ADAMTS13: variants seen among roughly 807,000 people sequenced by gnomAD.
ADAMTS13 encodes the protein A disintegrin and metalloproteinase with thrombospondin motifs 13.
A neutral mutation model predicts 155.1 loss-of-function variants in ADAMTS13; 110 were observed. The ratio of observed to expected loss-of-function variants is 0.71; its 90% CI spans 0.61 to 0.83. The LOEUF is 0.83. Among genes scored for constraint, ADAMTS13 ranks in the 40% least tolerant of loss-of-function variants. The probability of loss-of-function intolerance (pLI) is 0.00; values close to 1 mark genes in which losing one functional copy is unlikely to be tolerated. For synonymous variants in ADAMTS13, 758 were observed against 756.4 expected, an observed-to-expected ratio of 1.00 and a Z score of -0.03; for missense variants, 1,707 against 1,891.7, an observed-to-expected ratio of 0.90 and a Z score of 1.81.
chr9:133,427,706 C>T (rs973193140), intron 6 of ADAMTS13, among the ~76,000 whole-genome samples: 4 of 152,172 alleles, frequency 2.6e-5, no homozygotes. Flanking sequence ...GTGTACAGCC[C>T]TGTGACTGTA....
chr9:133,441,770 G>A lies in ADAMTS13; in HGVS notation c.1969-629G>A, dbSNP rs916524942. Among the ~76,000 whole-genome samples, 4 of 152,094 alleles carry A rather than the reference G, an allele frequency of 2.6e-5. No individual in the cohort carries two copies. Among genetic ancestry groups the A allele is most frequent in the African/African-American group, 7.2e-5 (3 of 41,410 alleles). On this transcript the variant is annotated intron_variant, in intron 16 of 28. Transcript: ENST00000355699. The surrounding 1 kb of genome is among the most constrained non-coding windows in gnomAD (Gnocchi z 5.0). ...TTTCTTCCTGCCGACCCTACCACAGGTCCCCAGGGATCCAGTTTCTTCCTG... is the reference window on the plus strand; with the variant it reads ...TTTCTTCCTGCCGACCCTACCACAGATCCCCAGGGATCCAGTTTCTTCCTG...
chr9:133,419,144 G>A (rs908214370), upstream of ADAMTS13, among the ~76,000 whole-genome samples: 1 of 152,158 alleles, frequency 6.6e-6, no homozygotes, highest in Non-Finnish European at 1.5e-5. Flanking sequence ...CCGGCCGGGA[G>A]TGGGTAGATT....
rs1841384412 is a variant in ADAMTS13, at chr9:133,438,030, A to T, written c.1584+133A>T. ...CTGCAGGGGAGTGGTGCTGGGGAAA[A>T]GGATCTGGACTTGGAGTCAGCCTGG... On this transcript the variant is annotated intron_variant, in intron 13 of 28. Transcript: ENST00000355699. 1.4e-5 allele frequency: 22 copies of T among 1,542,492 alleles called. No homozygotes were observed. In the South Asian group the frequency reaches 2.0e-4, roughly 14 times the overall value.
intron 21 of ADAMTS13, among the ~76,000 whole-genome samples, chr9:133,446,889 A>G (rs1554792816): frequency 6.6e-6 from 1 of 152,022 alleles, no homozygotes; most frequent in Non-Finnish European, 1.5e-5. Context: ...ACAGAGTCTC[A>G]TTCTGTTGCC....
At chr9:133,417,992 C>A (rs1464565159), upstream of ADAMTS13, 4 of 706,210 alleles carry the variant, frequency 5.7e-6, no homozygotes, top group African/African-American at 3.6e-5. Context: ...CCGGAAGAGA[C>A]CCCGCACGCG....
rs587753992 is a variant in ADAMTS13 at position 133,431,569 on chromosome 9, C to T, written c.988-1019C>T. ...TCTCGAATTCTGACCTCAGGTGATC[C>T]GCCCGCCTTGGCCTCCCAAAGTGCT... is the stretch of plus-strand genomic sequence containing the variant. On this transcript the variant is annotated intron_variant, in intron 8 of 28. Transcript: ENST00000355699. 7.2e-4 allele frequency among the ~76,000 whole-genome samples: 109 copies of T among 152,228 alleles called. 1 individual carries two copies. The highest frequency in any genetic ancestry group is 2.6e-3 in the African/African-American group (109 of 41,552).
chr9:133,432,190 A>AG (rs944043170), intron 8 of ADAMTS13, among the ~76,000 whole-genome samples: 35 of 152,126 alleles, frequency 2.3e-4, no homozygotes, highest in African/African-American at 8.4e-4. Context: ...GCTTGAACCC[A>AG]GGAGGCAGAG....
At chr9:133,417,758 C>A (rs782685072), upstream of ADAMTS13, 1 of 1,613,156 alleles carries the variant, frequency 6.2e-7, no homozygotes, top group African/African-American at 1.3e-5. Flanking sequence ...TCTTGTTTTT[C>A]TTCCGAGTGA....
chr9:133,421,474 A>G (rs967560995), upstream of ADAMTS13, among the ~76,000 whole-genome samples: 2 of 152,132 alleles, frequency 1.3e-5, no homozygotes, highest in African/African-American at 4.8e-5. Flanking sequence ...AACATACTAC[A>G]TATACAACAT....
upstream of ADAMTS13, among the ~76,000 whole-genome samples, chr9:133,419,473 T>C (rs1839856010): frequency 6.6e-6 from 1 of 152,086 alleles, no homozygotes; most frequent in African/African-American, 2.4e-5. Flanking sequence ...GGTTAGTTCA[T>C]CCAAAGAGAG....
chr9:133,430,067 A>T lies in ADAMTS13; in HGVS notation c.953A>T (p.Lys318Met). 1 of 1,595,164 alleles carries T rather than the reference A, an allele frequency of 6.3e-7. No individual in the cohort carries two copies. The highest frequency in any genetic ancestry group is 2.2e-5 in the East Asian group (1 of 44,664). ...CAGTGCCGCGTGGCCTTCGGCCCCA[A>T]GGCTGTCGCCTGCACCTTCGCCAGG... Reference protein sequence around the residue: ...NEQCRVAFGPKAVACTFAREH... With the variant: ...NEQCRVAFGPMAVACTFAREH... The change falls in exon 8 of 29, where the codon AAG (lysine) becomes ATG (methionine). Residue 318 changes from lysine (K) to methionine (M), a missense_variant. By Grantham distance (95) the Lys-to-Met change is moderately conservative. Transcript: ENST00000355699.
At chr9:133,430,262 A>G in intron 8 of ADAMTS13, 161 bp downstream of exon 8, 1 of 915,444 alleles carries the variant, frequency 1.1e-6, no homozygotes, top group South Asian at 1.4e-5. Context: ...GCCCTCTAGA[A>G]ATTATTTAAA....
chr9:133,452,854 GA>G (rs1842518372), intron 23 of ADAMTS13, among the ~76,000 whole-genome samples: 1 of 152,184 alleles, frequency 6.6e-6, no homozygotes, highest in Non-Finnish European at 1.5e-5. Flanking sequence ...CATTGTCCTG[GA>G]ACATTCCAGG....
At chr9:133,449,209 A>G (rs1842271916) in intron 22 of ADAMTS13, among the ~76,000 whole-genome samples, 1 of 152,098 alleles carries the variant, frequency 6.6e-6, no homozygotes, top group Non-Finnish European at 1.5e-5. Flanking sequence ...GTGGGTGCAC[A>G]TGGTTGCTGG....
In ADAMTS13 at chr9:133,439,303, C is replaced by A. The variant is rs1039577239; in HGVS notation, c.1706-63C>A. 4.7e-6 allele frequency: 6 copies of A among 1,285,086 alleles called. No homozygotes were observed. In the Admixed American group the frequency reaches 8.4e-5, roughly 18 times the overall value. The allele number at this position is 1,285,086 out of a possible 1,614,324, so 79.6% of individuals were successfully genotyped here. A position where few individuals can be genotyped will look rare whatever the true frequency, so the allele number is the denominator to read the frequency against. ...TTTTCCCGACCAGCTAAGATCAGCT[C>A]CCTTTGTCTGTGGTGTGGTGGCTGT... On this transcript the variant is annotated intron_variant, in intron 14 of 28. Coordinates refer to ENST00000355699, the MANE Select transcript of ADAMTS13 (RefSeq NM_139027.6).
chr9:133,417,927 T>C (rs963442137), upstream of ADAMTS13: 7 of 1,354,876 alleles, frequency 5.2e-6, no homozygotes, highest in African/African-American at 1.0e-4. Context: ...CACAAGCGCC[T>C]GCCCAGGCCA....
chr9:133,454,386 CCT>C, intron 23 of ADAMTS13, 27 bp from the exon 24 acceptor site: 2 of 1,612,540 alleles, frequency 1.2e-6, no homozygotes, highest in Non-Finnish European at 1.7e-6. Context: ...GGAGACCTAG[CCT>C]CTCTCTGGGG....
At chr9:133,436,445 G>C (rs587753502) in intron 11 of ADAMTS13, among the ~76,000 whole-genome samples, 1 of 152,314 alleles carries the variant, frequency 6.6e-6, no homozygotes, top group South Asian at 2.1e-4. Context: ...GCCTGCCTGA[G>C]TGCAGAGGCT....
Position 133,425,898 on chromosome 9 carries a change from T to C in ADAMTS13, c.415-40T>C. ...CGACCGCAGTCAGCACCGTGCCTGGTTGGGGTGTCCTAAATGCAGGCTTTG... is the reference window on the plus strand; with the variant it reads ...CGACCGCAGTCAGCACCGTGCCTGGCTGGGGTGTCCTAAATGCAGGCTTTG... On this transcript the variant is annotated intron_variant, in intron 4 of 28. Coordinates refer to ENST00000355699, the MANE Select transcript of ADAMTS13 (RefSeq NM_139027.6). This position sits in a 1 kb window ranked among gnomAD's most constrained non-coding sequence, Gnocchi z 4.6. 6.2e-7 allele frequency: 1 copy of C among 1,611,950 alleles called. No homozygotes were observed. Among genetic ancestry groups the C allele is most frequent in the Non-Finnish European group, 8.5e-7 (1 of 1,179,916 alleles).
Sources: allele counts gnomAD v4.1 joint callset (sites outside exome capture counted in the v4.1 genomes callset), GRCh38; gene constraint gnomAD v4.1.1; non-coding constraint Gnocchi (gnomAD v3.1); transcripts MANE v1.5; gene names NCBI Gene and HGNC (gene_info 2026-07-23, HGNC 2026-07-21).